Variants in ADARB2 observed in about 807,000 individuals in gnomAD.
ADARB2 encodes inactive double-stranded RNA-specific editase B2.
In ADARB2, 25 loss-of-function variants were observed where a neutral mutation model predicts 62.2. That is an observed-to-expected ratio of 0.40 (90% CI 0.29 to 0.56). The LOEUF (loss-of-function observed/expected upper bound fraction) is 0.56. Ranked by LOEUF, ADARB2 falls within the 20% of genes least tolerant of loss-of-function variation. The pLI is 0.43. For synonymous variants in ADARB2, 572 were observed against 500.8 expected (o/e 1.14, Z -1.90); for missense variants, 1,071 against 1,077.4 (o/e 0.99, Z 0.08).
At chr10:1,502,803 G>T (rs932725711) in intron 1 of ADARB2, among the ~76,000 whole-genome samples, 3 of 152,184 alleles carry the variant, frequency 2.0e-5, no homozygotes, top group Admixed American at 2.0e-4. Flanking sequence ...GGATCATGTT[G>T]TCTGGTTATT....
intron 2 of ADARB2, among the ~76,000 whole-genome samples, chr10:1,376,738 T>C (rs1462466713): frequency 1.3e-5 from 2 of 152,050 alleles, no homozygotes; most frequent in Non-Finnish European, 2.9e-5. Flanking sequence ...TTCATTTCTT[T>C]TTCTCCTGAG....
chr10:1,563,815 G>A (rs1015588964), intron 1 of ADARB2, among the ~76,000 whole-genome samples: 5 of 130,814 alleles, frequency 3.8e-5, no homozygotes, highest in African/African-American at 5.9e-5. Context: ...AGAGTGTGAT[G>A]TTCCCCTTCC....
chr10:1,500,782 A>G (rs2820625), intron 1 of ADARB2, among the ~76,000 whole-genome samples: 25,063 of 152,238 alleles, frequency 0.16, 2,353 homozygotes, highest in Middle Eastern at 0.23. Flanking sequence ...CACAACAATC[A>G]TGGGATAAAA....
chr10:1,684,336 T>C (rs74108983), intron 1 of ADARB2, among the ~76,000 whole-genome samples: 90 of 152,108 alleles, frequency 5.9e-4, no homozygotes, highest in African/African-American at 2.0e-3. Flanking sequence ...CTAAAAACAC[T>C]TTTTTTTCAG....
At chr10:1,463,459 C>T (rs1038073097) in intron 1 of ADARB2, among the ~76,000 whole-genome samples, 13 of 152,182 alleles carry the variant, frequency 8.5e-5, no homozygotes, top group African/African-American at 1.2e-4. Flanking sequence ...GGTTTGATGC[C>T]GTCAGCTTTT....
At chr10:1,246,950 T>C (rs970692625) in intron 4 of ADARB2, among the ~76,000 whole-genome samples, 1 of 152,084 alleles carries the variant, frequency 6.6e-6, no homozygotes, top group African/African-American at 2.4e-5. Context: ...CGATATTGAT[T>C]CTTCCCACCC....
intron 3 of ADARB2, among the ~76,000 whole-genome samples, chr10:1,301,918 A>C (rs1448279130): frequency 1.3e-5 from 2 of 152,212 alleles, no homozygotes; most frequent in Non-Finnish European, 2.9e-5. Flanking sequence ...TTACAGTGAC[A>C]CATCACTACC....
At chr10:1,634,938 C>T (rs763645463) in intron 1 of ADARB2, among the ~76,000 whole-genome samples, 37 of 152,214 alleles carry the variant, frequency 2.4e-4, no homozygotes, top group Non-Finnish European at 4.3e-4. Flanking sequence ...TTCTTGGTCA[C>T]AGCTGGATGT....
intron 1 of ADARB2, among the ~76,000 whole-genome samples, chr10:1,410,479 A>G (rs1159318551): frequency 6.6e-6 from 1 of 152,244 alleles, no homozygotes; most frequent in African/African-American, 2.4e-5. Flanking sequence ...ATAACAAAAC[A>G]AGGAGTGATG....
chr10:1,289,322 C>T (rs1831442963), intron 3 of ADARB2, among the ~76,000 whole-genome samples: 1 of 152,250 alleles, frequency 6.6e-6, no homozygotes, highest in Non-Finnish European at 1.5e-5. Context: ...TGTATAAAAC[C>T]AAGCTGTGCT....
At chr10:1,215,696 C>T (rs1288515497) in intron 7 of ADARB2, 1 of 152,258 alleles carries the variant, frequency 6.6e-6, no homozygotes, top group Non-Finnish European at 1.5e-5. Flanking sequence ...GTTCTGGGTC[C>T]CTCAACCCAG....
At chr10:1,569,348 C>T (rs1832905446) in intron 1 of ADARB2, among the ~76,000 whole-genome samples, 1 of 152,204 alleles carries the variant, frequency 6.6e-6, no homozygotes, top group Non-Finnish European at 1.5e-5. Flanking sequence ...TGTTTCTTGC[C>T]CATCGTGTGG....
At position 1,570,403 on chromosome 10, in the gene ADARB2, G is replaced by A. The variant is rs559256633; in HGVS notation, c.100+166648C>T. Among the ~76,000 whole-genome samples, 75 of 152,016 alleles carry A rather than the reference G, an allele frequency of 4.9e-4. 2 individuals carry two copies. Among genetic ancestry groups the A allele is most frequent in the African/African-American group, 1.7e-3 (72 of 41,462 alleles). ...GTCCCCCAGCACCTGCACCTGCGAG[G>A]TGCTGGGTAGAATGCCCAGTGACAG... is the stretch of plus-strand genomic sequence containing the variant. On this transcript the variant is annotated intron_variant, in intron 1 of 9. Transcript: ENST00000381312.
Position 1,491,071 on chromosome 10 carries a change from T to A in ADARB2, c.101-111911A>T, listed in dbSNP as rs115981880. Among the ~76,000 whole-genome samples, 1,097 of 152,314 alleles carry A rather than the reference T, an allele frequency of 7.2e-3. 15 individuals are homozygous for A. Among genetic ancestry groups the A allele is most frequent in the African/African-American group, 0.025 (1,050 of 41,558 alleles). On this transcript the variant is annotated intron_variant, in intron 1 of 9. Coordinates refer to ENST00000381312, the MANE Select transcript of ADARB2 (RefSeq NM_018702.4). ...ATTTCTTTTTGTTTATGTATTTATT[T>A]AATTGTTATTATTTTTTAAGAGACA...
intron 7 of ADARB2, among the ~76,000 whole-genome samples, chr10:1,209,548 TGCCATCACCC>T (rs1837119503): frequency 1.1e-4 from 2 of 18,118 alleles, no homozygotes; most frequent in Non-Finnish European, 3.3e-4. Context: ...CCCACACCCA[TGCCATCACCC>T]ACACCCACAT....
intron 8 of ADARB2, among the ~76,000 whole-genome samples, chr10:1,191,085 C>G (rs1021125178): frequency 6.6e-6 from 1 of 151,030 alleles, no homozygotes; most frequent in Non-Finnish European, 1.5e-5. Flanking sequence ...GGGGTTTGCA[C>G]GCTCTGGGCC....
chr10:1,678,294 G>A, intron 1 of ADARB2: 1 of 984,956 alleles, frequency 1.0e-6, no homozygotes, highest in Non-Finnish European at 1.2e-6. Context: ...CGTCCTCGGG[G>A]TGAGCATCCT....
intron 1 of ADARB2, among the ~76,000 whole-genome samples, chr10:1,641,125 A>G (rs1199734981): frequency 6.6e-6 from 1 of 152,260 alleles, no homozygotes; most frequent in East Asian, 1.9e-4. Context: ...AAATATCTGT[A>G]ATGGATATGA....
chr10:1,633,187 C>T (rs1400558918), intron 1 of ADARB2, among the ~76,000 whole-genome samples: 1 of 152,174 alleles, frequency 6.6e-6, no homozygotes, highest in African/African-American at 2.4e-5. Flanking sequence ...TGGGCTTGGA[C>T]TGAACTATGT....
Sources: allele counts gnomAD v4.1 joint callset (sites outside exome capture counted in the v4.1 genomes callset), GRCh38; gene constraint gnomAD v4.1.1; transcripts MANE v1.5; gene names NCBI Gene and HGNC (gene_info 2026-07-23, HGNC 2026-07-21).